Variants in AFG1L observed in about 807,000 individuals in gnomAD.
AFG1L encodes AFG1-like ATPase.
In AFG1L, 53 loss-of-function variants were observed where a neutral mutation model predicts 62.2. That is an observed-to-expected ratio of 0.85 (90% CI 0.68 to 1.07). The LOEUF (loss-of-function observed/expected upper bound fraction) is 1.07. Ranked by LOEUF, AFG1L falls within the 50% of genes least tolerant of loss-of-function variation. The probability of loss-of-function intolerance (pLI) is 0.00; values close to 1 mark genes in which losing one functional copy is unlikely to be tolerated. For synonymous variants in AFG1L, 228 were observed against 210.3 expected (o/e 1.08, Z -0.73); for missense variants, 555 against 590.5 (o/e 0.94, Z 0.62).
In AFG1L at chr6:108,452,950, A is replaced by G. The variant is rs142958439; in HGVS notation, c.890+5654A>G. On this transcript the variant is annotated intron_variant, in intron 8 of 12. Coordinates refer to ENST00000368977, the MANE Select transcript of AFG1L (RefSeq NM_145315.5). The stretch of plus-strand genomic sequence containing the variant: ...GTCTCATCTTTCAAGGTTGCTCACT[A>G]CACACACAACCTTGAGAAATGGTTA... 2.8e-3 allele frequency among the ~76,000 whole-genome samples: 433 copies of G among 152,276 alleles called. 1 individual carries two copies. The highest frequency in any genetic ancestry group is 4.2e-3 in the Non-Finnish European group (285 of 68,026).
At chr6:108,378,027 ATTC>A (rs1341738921) in intron 6 of AFG1L, among the ~76,000 whole-genome samples, 7 of 149,488 alleles carry the variant, frequency 4.7e-5, no homozygotes, top group African/African-American at 7.3e-5. Context: ...ATTTTTAAAA[ATTC>A]TTCTTTTTTT....
chr6:108,486,759 C>G (rs1422621420), intron 10 of AFG1L, among the ~76,000 whole-genome samples: 1 of 151,984 alleles, frequency 6.6e-6, no homozygotes, highest in Non-Finnish European at 1.5e-5. Context: ...TGCTCTGTCA[C>G]CCAGGCATGA....
chr6:108,494,460 A>G lies in AFG1L; in HGVS notation c.1063-15752A>G, dbSNP rs148432492. Among the ~76,000 whole-genome samples the G allele has an allele frequency of 1.5e-3, 228 of 150,094 alleles. No homozygotes were observed. In the Middle Eastern group the frequency reaches 0.031, roughly 21 times the overall value. On this transcript the variant is annotated intron_variant, in intron 10 of 12. Coordinates refer to ENST00000368977, the MANE Select transcript of AFG1L (RefSeq NM_145315.5). ...CCCCCACCCCGCAAAAAAATACTGTATTAACCATTAAAAGGGGATGAGAAT... is the reference window on the plus strand; with the variant it reads ...CCCCCACCCCGCAAAAAAATACTGTGTTAACCATTAAAAGGGGATGAGAAT...
chr6:108,478,087 A>G (rs887722111), intron 10 of AFG1L, among the ~76,000 whole-genome samples: 4 of 152,204 alleles, frequency 2.6e-5, no homozygotes, highest in Admixed American at 2.6e-4. Flanking sequence ...GTTGCTTTTC[A>G]GTAAGGGAAA....
chr6:108,354,849 C>A (rs1472583039), intron 3 of AFG1L, among the ~76,000 whole-genome samples: 1 of 152,050 alleles, frequency 6.6e-6, no homozygotes, highest in Non-Finnish European at 1.5e-5. Flanking sequence ...TAACTGAATT[C>A]TCAGATAAGA....
At chr6:108,479,102 C>G (rs1032933453) in intron 10 of AFG1L, among the ~76,000 whole-genome samples, 3 of 152,156 alleles carry the variant, frequency 2.0e-5, no homozygotes. Flanking sequence ...GGCAATCCTC[C>G]CACCTCAGCC....
chr6:108,421,946 A>T (rs1365934452), intron 7 of AFG1L, among the ~76,000 whole-genome samples: 2 of 152,136 alleles, frequency 1.3e-5, no homozygotes, highest in African/African-American at 4.8e-5. Context: ...CATGAAAAAG[A>T]TGCTTGCTAT....
chr6:108,477,075 A>G, intron 9 of AFG1L, 117 bp from the exon 10 acceptor site: 1 of 1,015,682 alleles, frequency 9.8e-7, no homozygotes, highest in Non-Finnish European at 1.5e-6. Context: ...CATTTTGTCT[A>G]ATTTATGTGT....
At chr6:108,365,779 A>T (rs1470340570) in intron 5 of AFG1L, among the ~76,000 whole-genome samples, 1 of 152,036 alleles carries the variant, frequency 6.6e-6, no homozygotes, top group Non-Finnish European at 1.5e-5. Flanking sequence ...ATTTAAAGTC[A>T]CCTTTCCAGG....
chr6:108,295,141 G>GGA lies in AFG1L; in HGVS notation c.65_66dup (p.Cys23AspfsTer35). The GGA allele has an allele frequency of 6.2e-7, 1 of 1,610,936 alleles. No homozygotes were observed. The highest frequency in any genetic ancestry group is 1.7e-4 in the Middle Eastern group (1 of 6,060). Reference sequence around the variant, plus strand: ...CCCTTAGCACAGAGCCCGCTGAGAGGGAGATGTGTTGGGTGCGGGGCCTGG... The same window carrying GGA: ...CCCTTAGCACAGAGCCCGCTGAGAGGGAGAGATGTGTTGGGTGCGGGGCCTGG... On this transcript the variant is annotated frameshift_variant, in exon 1 of 13. Coordinates refer to ENST00000368977, the MANE Select transcript of AFG1L (RefSeq NM_145315.5). LOFTEE classifies it high-confidence loss of function.
At chr6:108,395,685 G>A (rs1781263695) in intron 6 of AFG1L, among the ~76,000 whole-genome samples, 1 of 151,260 alleles carries the variant, frequency 6.6e-6, no homozygotes, top group Admixed American at 6.6e-5. Context: ...TTACAAATGT[G>A]AGCCAGCGTG....
At chr6:108,440,822 A>AAAAAAAAAAAG (rs1200714361) in intron 7 of AFG1L, among the ~76,000 whole-genome samples, 1 of 152,152 alleles carries the variant, frequency 6.6e-6, no homozygotes, top group South Asian at 2.1e-4. Context: ...CTCCATCTCA[A>AAAAAAAAAAAG]AAAAAGAAAA....
At chr6:108,434,751 A>G (rs1771230821) in intron 7 of AFG1L, among the ~76,000 whole-genome samples, 1 of 152,194 alleles carries the variant, frequency 6.6e-6, no homozygotes. Flanking sequence ...CAGCTTCTAT[A>G]GCCCCATTTT....
chr6:108,365,823 C>T (rs1779734897), intron 5 of AFG1L, among the ~76,000 whole-genome samples: 1 of 152,032 alleles, frequency 6.6e-6, no homozygotes, highest in African/African-American at 2.4e-5. Flanking sequence ...AAATCTCAAA[C>T]AGCCTGTGTA....
intron 1 of AFG1L, among the ~76,000 whole-genome samples, chr6:108,295,543 C>T (rs1010739294): frequency 6.6e-6 from 1 of 152,006 alleles, no homozygotes; most frequent in Admixed American, 6.6e-5. Context: ...CCTGGGGACC[C>T]CTACCCTCTG....
chr6:108,510,892 C>G (rs1012835339), intron 11 of AFG1L, among the ~76,000 whole-genome samples: 9 of 152,002 alleles, frequency 5.9e-5, no homozygotes, highest in African/African-American at 2.2e-4. Flanking sequence ...GCCTGGACAA[C>G]ATAGCAAAAT....
intron 6 of AFG1L, among the ~76,000 whole-genome samples, chr6:108,390,378 A>T (rs1780996746): frequency 6.6e-6 from 1 of 152,206 alleles, no homozygotes; most frequent in South Asian, 2.1e-4. Context: ...TGTCAAAGTC[A>T]TTCTCTGTCC....
intron 8 of AFG1L, among the ~76,000 whole-genome samples, chr6:108,450,208 A>G (rs541369619): frequency 1.3e-5 from 2 of 152,360 alleles, no homozygotes; most frequent in African/African-American, 4.8e-5. Flanking sequence ...ACTAGTTTAC[A>G]TTCCCACCAA....
chr6:108,343,891 G>A (rs1356923477), intron 2 of AFG1L, among the ~76,000 whole-genome samples: 1 of 152,206 alleles, frequency 6.6e-6, no homozygotes, highest in Non-Finnish European at 1.5e-5. Flanking sequence ...GTGAGGTCTA[G>A]AAGGCACAAG....
Sources: allele counts gnomAD v4.1 joint callset (sites outside exome capture counted in the v4.1 genomes callset), GRCh38; gene constraint gnomAD v4.1.1; transcripts MANE v1.5; gene names NCBI Gene and HGNC (gene_info 2026-07-23, HGNC 2026-07-21).